Variants in MAD1L1 observed in about 807,000 individuals in gnomAD.
The protein encoded by MAD1L1 is mitotic spindle assembly checkpoint protein MAD1.
A neutral mutation model predicts 96.9 loss-of-function variants in MAD1L1; 95 were observed. That is an observed-to-expected ratio of 0.98 (90% CI 0.83 to 1.16). MAD1L1 has a LOEUF of 1.16. Ranked by LOEUF, MAD1L1 falls within the 50% of genes most tolerant of loss-of-function variation. The pLI is 0.00. For missense variants in MAD1L1, 1,007 were observed against 954.4 expected (o/e 1.06, Z -0.73); for synonymous variants, 473 against 396.6 (o/e 1.19, Z -2.29).
intron 18 of MAD1L1, chr7:1,817,012 ACTC>A (rs1781844283): frequency 2.0e-5 from 3 of 152,234 alleles, no homozygotes; most frequent in African/African-American, 7.2e-5. Context: ...AACTCCCACA[ACTC>A]CACCATGAAG....
At chr7:2,117,138 AG>A (rs370897314) in intron 11 of MAD1L1, among the ~76,000 whole-genome samples, 4 of 152,324 alleles carry the variant, frequency 2.6e-5, no homozygotes, top group African/African-American at 9.6e-5. Context: ...GAAGCAGCTA[AG>A]AGTCTCCTGC....
At position 1,858,397 on chromosome 7, in the gene MAD1L1, C is replaced by T. The variant is rs375946165; in HGVS notation, c.1998+39803G>A. Among the ~76,000 whole-genome samples, 5 of 152,374 alleles carry T rather than the reference C, an allele frequency of 3.3e-5. No individual in the cohort carries two copies. In the East Asian group the frequency reaches 5.8e-4, roughly 18 times the overall value. ...TTGCCTTGGCTCAGCCTCCACCTGGCTTGGAGATCTCTGAAATCCTTGGTT... is the reference window on the plus strand; with the variant it reads ...TTGCCTTGGCTCAGCCTCCACCTGGTTTGGAGATCTCTGAAATCCTTGGTT... On this transcript the variant is annotated intron_variant, in intron 18 of 18. Transcript: ENST00000265854.
chr7:1,900,112 A>G (rs1274962421), intron 17 of MAD1L1, among the ~76,000 whole-genome samples: 1 of 152,126 alleles, frequency 6.6e-6, no homozygotes, highest in Non-Finnish European at 1.5e-5. Context: ...GCGTGAGCTC[A>G]GTCGAGCAGC....
chr7:1,895,721 G>A (rs769617904), intron 18 of MAD1L1, among the ~76,000 whole-genome samples: 8 of 152,376 alleles, frequency 5.3e-5, no homozygotes, highest in Non-Finnish European at 1.0e-4. Context: ...GGAGCACTGG[G>A]CCAGTGGACC....
chr7:1,898,063 A>T, intron 18 of MAD1L1, 137 bp downstream of exon 18: 1 of 915,396 alleles, frequency 1.1e-6, no homozygotes, highest in East Asian at 2.6e-5. Context: ...GGGCCAGTGC[A>T]CCTCCTTCCC....
chr7:2,133,885 C>T (rs903351592), intron 11 of MAD1L1, among the ~76,000 whole-genome samples: 1 of 152,188 alleles, frequency 6.6e-6, no homozygotes. Flanking sequence ...TGACCTGTTC[C>T]ACAGACCTGT....
intron 18 of MAD1L1, among the ~76,000 whole-genome samples, chr7:1,887,315 A>C (rs1786108622): frequency 6.7e-6 from 1 of 148,860 alleles, no homozygotes; most frequent in Admixed American, 6.7e-5. Flanking sequence ...ATGTGTGTGC[A>C]TGCATGCGCA....
chr7:2,212,144 C>T (rs1584562238), intron 10 of MAD1L1, among the ~76,000 whole-genome samples: 1 of 150,990 alleles, frequency 6.6e-6, no homozygotes, highest in Non-Finnish European at 1.5e-5. Context: ...TGAGCGGCTG[C>T]TGGAGAAAGA....
intron 15 of MAD1L1, among the ~76,000 whole-genome samples, chr7:1,959,180 G>T (rs6949306): frequency 0.86 from 130,921 of 152,138 alleles, 57,645 homozygotes; most frequent in Non-Finnish European, 0.96. Context: ...TGAACCCAGG[G>T]GGTGGAGGCT....
chr7:1,877,291 C>T (rs541796393), intron 18 of MAD1L1, among the ~76,000 whole-genome samples: 2 of 152,134 alleles, frequency 1.3e-5, no homozygotes, highest in South Asian at 2.1e-4. Flanking sequence ...TGTGCTACAA[C>T]AGCAGAGGTG....
intron 18 of MAD1L1, among the ~76,000 whole-genome samples, chr7:1,843,379 A>G (rs1783393099): frequency 6.6e-6 from 1 of 152,116 alleles, no homozygotes; most frequent in Non-Finnish European, 1.5e-5. Context: ...ACGGCCAGGG[A>G]GGCCGCAATG....
intron 17 of MAD1L1, among the ~76,000 whole-genome samples, chr7:1,931,938 A>T (rs1407419463): frequency 6.6e-6 from 1 of 152,138 alleles, no homozygotes; most frequent in Non-Finnish European, 1.5e-5. Flanking sequence ...TGTGCGGGGC[A>T]GCAAACCTAA....
intron 10 of MAD1L1, among the ~76,000 whole-genome samples, chr7:2,182,302 C>T (rs1243155113): frequency 6.6e-6 from 1 of 151,450 alleles, no homozygotes; most frequent in Non-Finnish European, 1.5e-5. Context: ...TAAGATACCA[C>T]TCCACACCCA....
At chr7:2,170,048 C>T (rs180801870) in intron 10 of MAD1L1, among the ~76,000 whole-genome samples, 5 of 152,310 alleles carry the variant, frequency 3.3e-5, no homozygotes, top group Admixed American at 1.3e-4. Flanking sequence ...CTCCCGGACT[C>T]GTGCCCTCAG....
intron 15 of MAD1L1, among the ~76,000 whole-genome samples, chr7:1,965,911 G>A (rs541280438): frequency 3.3e-5 from 5 of 152,384 alleles, no homozygotes; most frequent in Admixed American, 1.3e-4. Flanking sequence ...GAAAGGACCC[G>A]AAGATCACAG....
intron 18 of MAD1L1, among the ~76,000 whole-genome samples, chr7:1,892,249 C>T (rs756294590): frequency 1.3e-5 from 2 of 152,306 alleles, no homozygotes; most frequent in Admixed American, 6.5e-5. Context: ...CCCAAGGGTG[C>T]GGGAGGCTGC....
intron 11 of MAD1L1, among the ~76,000 whole-genome samples, chr7:2,077,225 A>G (rs894575361): frequency 2.0e-5 from 3 of 152,256 alleles, no homozygotes; most frequent in African/African-American, 7.2e-5. Flanking sequence ...GACGTCTGGC[A>G]TGAAACTAGG....
At chr7:1,975,689 C>T (rs938464548) in intron 15 of MAD1L1, among the ~76,000 whole-genome samples, 2 of 152,196 alleles carry the variant, frequency 1.3e-5, no homozygotes, top group Non-Finnish European at 2.9e-5. Context: ...GGCCTGGGCA[C>T]TGGGTCCCTG....
At chr7:1,886,858 C>G (rs1329112577) in intron 18 of MAD1L1, among the ~76,000 whole-genome samples, 1 of 152,252 alleles carries the variant, frequency 6.6e-6, no homozygotes, top group Non-Finnish European at 1.5e-5. Flanking sequence ...CCTTCCTGGC[C>G]CAGGCCAGCA....
Sources: allele counts gnomAD v4.1 joint callset (sites outside exome capture counted in the v4.1 genomes callset), GRCh38; gene constraint gnomAD v4.1.1; transcripts MANE v1.5; gene names NCBI Gene and HGNC (gene_info 2026-07-23, HGNC 2026-07-21).